The following PNPLA7 variants were observed in gnomAD, a reference collection of about 807,000 sequenced individuals.
The protein encoded by PNPLA7 is patatin like domain 7, lysophospholipase, also known as patatin-like phospholipase domain-containing protein 7.
PNPLA7 carries 153 observed loss-of-function variants against 161.7 expected under a neutral mutation model. The ratio of observed to expected loss-of-function variants is 0.95; its 90% CI spans 0.83 to 1.08. PNPLA7 has a LOEUF of 1.08. Ranked by LOEUF, PNPLA7 falls within the 50% of genes least tolerant of loss-of-function variation. The pLI is 0.00. For synonymous variants in PNPLA7, 809 were observed against 782.1 expected, an observed-to-expected ratio of 1.03 and a Z score of -0.57; for missense variants, 1,739 against 1,856.6, an observed-to-expected ratio of 0.94 and a Z score of 1.16.
At chr9:137,528,925 C>G (rs1203557954) in intron 8 of PNPLA7, among the ~76,000 whole-genome samples, 2 of 151,062 alleles carry the variant, frequency 1.3e-5, no homozygotes, top group East Asian at 4.0e-4. Context: ...TGGTCTCGAT[C>G]TCCTGACCTC....
rs1832493960 is a variant in PNPLA7 at position 137,486,554 on chromosome 9, C to T, written c.2198-1818G>A. 6.6e-6 allele frequency among the ~76,000 whole-genome samples: 1 copy of T among 152,164 alleles called. No homozygotes were observed. The highest frequency in any genetic ancestry group is 2.1e-4 in the South Asian group (1 of 4,820). On this transcript the variant is annotated intron_variant, in intron 20 of 34. Coordinates refer to ENST00000406427, the MANE Select transcript of PNPLA7 (RefSeq NM_001098537.3). The surrounding 1 kb of genome is among the most constrained non-coding windows in gnomAD (Gnocchi z 6.0). ...CAGATAAATGATGCTGCCCATCCCA[C>T]ATCCCGAATGAGTGTCCAAGACTCA... is the stretch of plus-strand genomic sequence containing the variant.
chr9:137,503,589 G>C (rs1388258462), intron 14 of PNPLA7, among the ~76,000 whole-genome samples: 47 of 136,744 alleles, frequency 3.4e-4, no homozygotes, highest in Non-Finnish European at 6.0e-4. Context: ...AGAAGGAGGA[G>C]GGAGAAGGAG....
At position 137,495,015 on chromosome 9, in the gene PNPLA7, C is replaced by T; in HGVS notation, c.2127+18G>A. ...CACACCCTCATCCGCTCCGCATCCT[C>T]ACCCACGCCATGCTCACCTGTGGGT... is the stretch of plus-strand genomic sequence containing the variant. On this transcript the variant is annotated intron_variant, in intron 19 of 34. Coordinates refer to ENST00000406427, the MANE Select transcript of PNPLA7 (RefSeq NM_001098537.3). 7 of 1,594,786 alleles carry T rather than the reference C, an allele frequency of 4.4e-6. No individual in the cohort carries two copies. The highest frequency in any genetic ancestry group is 6.0e-6 in the Non-Finnish European group (7 of 1,167,664).
At chr9:137,462,435 G>A in intron 30 of PNPLA7, 104 bp from the exon 31 acceptor site, 1 of 1,500,504 alleles carries the variant, frequency 6.7e-7, no homozygotes, top group Non-Finnish European at 8.9e-7. Context: ...TCTGGGGTAG[G>A]TAGGTTCTGG....
intron 11 of PNPLA7, chr9:137,516,519 C>T (rs982566270): frequency 2.0e-6 from 2 of 985,358 alleles, no homozygotes; most frequent in Non-Finnish European, 1.2e-6. Flanking sequence ...CTCTAAAATA[C>T]ACTTTGAGGC....
chr9:137,462,861 C>G (rs566278578), intron 29 of PNPLA7, 28 bp from the exon 30 acceptor site: 3 of 1,611,630 alleles, frequency 1.9e-6, no homozygotes, highest in East Asian at 2.2e-5. Flanking sequence ...CTGGTTACCC[C>G]CTGGACAGGC....
intron 6 of PNPLA7, 67 bp from the exon 7 acceptor site, chr9:137,542,868 C>A: frequency 6.5e-7 from 1 of 1,532,242 alleles, no homozygotes; most frequent in South Asian, 1.2e-5. Flanking sequence ...CCAAGAGTCT[C>A]GAGAGCACAC....
chr9:137,462,326 C>A lies in PNPLA7; in HGVS notation c.3498G>T (p.Leu1166Phe). 1 of 1,599,722 alleles carries A rather than the reference C, an allele frequency of 6.3e-7. No homozygotes were observed. Among genetic ancestry groups the A allele is most frequent in the Non-Finnish European group, 8.5e-7 (1 of 1,172,496 alleles). ...WNPLATKVKV[L>F]NMAEIQTRLA... ...GGCGCGTCTGAATCTCTGCCATGTT[C>A]AACACCTGCTGCCGTCACAGCCGCC... The change falls in exon 31 of 35, where the codon TTG (leucine) becomes TTT (phenylalanine). Residue 1166 changes from leucine to phenylalanine, a missense_variant. Leu to Phe is a conservative substitution (Grantham distance 22). This residue lies in a region of PNPLA7 where 703 missense variants were observed against 694.6 expected (regional missense o/e 1.01). Transcript: ENST00000406427.
At chr9:137,506,113 G>T (rs1313431060) in intron 12 of PNPLA7, 30 bp from the exon 13 acceptor site, 1 of 1,580,602 alleles carries the variant, frequency 6.3e-7, no homozygotes, top group African/African-American at 1.3e-5. Flanking sequence ...TCAGGACACG[G>T]TTCGCTAGGC....
chr9:137,509,372 A>G (rs1480223088), intron 12 of PNPLA7: 11 of 161,790 alleles, frequency 6.8e-5, no homozygotes, highest in South Asian at 2.3e-4. Flanking sequence ...GCTAGTACGA[A>G]TGAGTTTAGC....
At chr9:137,474,058 G>A (rs1040116368) in intron 25 of PNPLA7, among the ~76,000 whole-genome samples, 1 of 152,138 alleles carries the variant, frequency 6.6e-6, no homozygotes, top group African/African-American at 2.4e-5. Context: ...GGCCCACATG[G>A]TGAAAGCCCG....
intron 7 of PNPLA7, 107 bp downstream of exon 7, chr9:137,542,535 C>A (rs886067427): frequency 4.7e-6 from 6 of 1,267,970 alleles, no homozygotes; most frequent in South Asian, 3.5e-5. Context: ...AAATTAAAAT[C>A]AAAATTTTGC....
intron 21 of PNPLA7, 129 bp downstream of exon 21, chr9:137,484,458 G>A (rs970389986): frequency 8.6e-5 from 91 of 1,053,478 alleles, no homozygotes; most frequent in East Asian, 1.4e-4. Context: ...AAACACTACC[G>A]AACACTGACC....
chr9:137,521,395 T>C (rs1834983942), intron 10 of PNPLA7, among the ~76,000 whole-genome samples: 1 of 152,194 alleles, frequency 6.6e-6, no homozygotes, highest in South Asian at 2.1e-4. Context: ...ATCAGAGATT[T>C]TGGAACACAA....
At chr9:137,548,433 C>A (rs1040921895) in intron 1 of PNPLA7, among the ~76,000 whole-genome samples, 1 of 152,222 alleles carries the variant, frequency 6.6e-6, no homozygotes, top group Non-Finnish European at 1.5e-5. Flanking sequence ...CTGCAGAGAG[C>A]AGGACTCCCA....
At chr9:137,495,568 C>T (rs972346301) in intron 18 of PNPLA7, among the ~76,000 whole-genome samples, 3 of 152,094 alleles carry the variant, frequency 2.0e-5, no homozygotes, top group East Asian at 1.9e-4. Flanking sequence ...CTCAGCCTCC[C>T]GAGTAGCTGT....
intron 8 of PNPLA7, among the ~76,000 whole-genome samples, chr9:137,526,281 G>GAA (rs1171180540): frequency 6.6e-6 from 1 of 152,054 alleles, no homozygotes; most frequent in Non-Finnish European, 1.5e-5. Context: ...TGTTTTGACT[G>GAA]ATCCTGATTT....
At chr9:137,522,599 C>T (rs969428606) in intron 9 of PNPLA7, 130 bp downstream of exon 9, 1 of 1,042,016 alleles carries the variant, frequency 9.6e-7, no homozygotes, top group Non-Finnish European at 1.4e-6. Context: ...CTGAAATCAC[C>T]TTCATGGCTG....
In PNPLA7 at chr9:137,490,183, T is replaced by C. The variant is rs1366598738; in HGVS notation, c.2197+2830A>G. On this transcript the variant is annotated intron_variant, in intron 20 of 34. Coordinates refer to ENST00000406427, the MANE Select transcript of PNPLA7 (RefSeq NM_001098537.3). The surrounding 1 kb of genome is among the most constrained non-coding windows in gnomAD (Gnocchi z 4.1). ...ATCATAGCTCACTGTAACCTCGAAC[T>C]CCGAGGCCCAAACGATCCTCCCACC... 6.6e-6 allele frequency among the ~76,000 whole-genome samples: 1 copy of C among 152,188 alleles called. No individual in the cohort carries two copies. The highest frequency in any genetic ancestry group is 2.4e-5 in the African/African-American group (1 of 41,434).
Sources: gnomAD v4.1 joint callset for allele counts (sites outside exome capture counted in the v4.1 genomes callset) on GRCh38, gnomAD v4.1.1 for gene constraint, gnomAD v4.1.1 regional missense constraint, Gnocchi (gnomAD v3.1) non-coding constraint, MANE v1.5 for transcripts, NCBI Gene and HGNC (gene_info 2026-07-23, HGNC 2026-07-21) for gene names.